The following CNTN5 variants were observed in gnomAD, a reference collection of about 807,000 sequenced individuals.
The protein encoded by CNTN5 is contactin 5, also known as contactin-5.
Under a neutral mutation model 129.1 loss-of-function variants are expected in CNTN5, and 77 were observed. The observed-to-expected ratio is 0.60, with a 90% CI of 0.50 to 0.72. The LOEUF (loss-of-function observed/expected upper bound fraction) is 0.72, where lower values mean the gene tolerates loss of function less well. Among genes scored for constraint, CNTN5 ranks in the 30% least tolerant of loss-of-function variants. CNTN5 has a pLI of 0.00. For synonymous variants in CNTN5, 509 were observed against 465.6 expected, an observed-to-expected ratio of 1.09 and a Z score of -1.20; for missense variants, 1,478 against 1,328.8, an observed-to-expected ratio of 1.11 and a Z score of -1.75.
chr11:99,396,145 T>G (rs1941510662), intron 2 of CNTN5, among the ~76,000 whole-genome samples: 1 of 151,062 alleles, frequency 6.6e-6, no homozygotes, highest in Admixed American at 6.7e-5. Flanking sequence ...TGGCCATTTT[T>G]TAATGATATT....
intron 3 of CNTN5, among the ~76,000 whole-genome samples, chr11:99,600,338 C>A (rs116351100): frequency 6.6e-6 from 1 of 152,080 alleles, no homozygotes; most frequent in Non-Finnish European, 1.5e-5. Flanking sequence ...GGTTCATGTT[C>A]CCTGCTGAAA....
At chr11:100,204,297 A>ATATATATATATATATAT (rs1555039166) in intron 15 of CNTN5, among the ~76,000 whole-genome samples, 4 of 17,658 alleles carry the variant, frequency 2.3e-4, no homozygotes, top group South Asian at 2.6e-3. Flanking sequence ...AACATTGACT[A>ATATATATATATATATAT]ATATATATAT....
intron 2 of CNTN5, among the ~76,000 whole-genome samples, chr11:99,534,369 TG>T (rs147921682): frequency 0.02 from 3,024 of 152,300 alleles, 145 homozygotes; most frequent in East Asian, 0.12. Context: ...ATGATTTTAA[TG>T]AGATTTTCAT....
chr11:99,840,669 A>C (rs1358584641), intron 4 of CNTN5, among the ~76,000 whole-genome samples: 1 of 152,154 alleles, frequency 6.6e-6, no homozygotes, highest in East Asian at 1.9e-4. Flanking sequence ...CTTTTATGAG[A>C]CGTTAACATT....
chr11:99,432,963 A>T (rs1448814330), intron 2 of CNTN5, among the ~76,000 whole-genome samples: 1 of 151,580 alleles, frequency 6.6e-6, no homozygotes, highest in Admixed American at 6.6e-5. Context: ...TAGATGGTAA[A>T]TACTGAAAGA....
At chr11:99,265,032 T>A (rs909661183) in intron 1 of CNTN5, among the ~76,000 whole-genome samples, 2 of 152,010 alleles carry the variant, frequency 1.3e-5, no homozygotes, top group African/African-American at 2.4e-5. Flanking sequence ...CTGTTAAATG[T>A]ATTTAAGAGT....
At chr11:100,296,094 C>A (rs1427027725) in intron 18 of CNTN5, among the ~76,000 whole-genome samples, 1 of 151,434 alleles carries the variant, frequency 6.6e-6, no homozygotes, top group Non-Finnish European at 1.5e-5. Context: ...AAATTTGGAT[C>A]CCTGTCCTTT....
chr11:99,465,696 T>G (rs1041350530), intron 2 of CNTN5, among the ~76,000 whole-genome samples: 15 of 151,754 alleles, frequency 9.9e-5, no homozygotes, highest in African/African-American at 3.4e-4. Flanking sequence ...ATACCTGAGA[T>G]GGGGTAATTT....
At chr11:100,264,786 T>C (rs1272349468) in intron 17 of CNTN5, among the ~76,000 whole-genome samples, 1 of 152,152 alleles carries the variant, frequency 6.6e-6, no homozygotes, top group Non-Finnish European at 1.5e-5. Context: ...TTTCTGGTTC[T>C]AGATCCTTGA....
intron 3 of CNTN5, among the ~76,000 whole-genome samples, chr11:99,612,355 GA>G (rs1379841633): frequency 6.6e-6 from 1 of 152,082 alleles, no homozygotes; most frequent in African/African-American, 2.4e-5. Flanking sequence ...ATCACCTGTG[GA>G]TCTAAGGATT....
intron 1 of CNTN5, among the ~76,000 whole-genome samples, chr11:99,139,653 T>G (rs1176123943): frequency 6.6e-6 from 1 of 152,222 alleles, no homozygotes; most frequent in Non-Finnish European, 1.5e-5. Context: ...GTTACTTTCA[T>G]TTTTAATTTG....
intron 13 of CNTN5, among the ~76,000 whole-genome samples, chr11:100,173,824 A>G (rs909931364): frequency 6.6e-6 from 1 of 152,106 alleles, no homozygotes; most frequent in Non-Finnish European, 1.5e-5. Flanking sequence ...AGGGACCACA[A>G]CAGAAGTTAC....
intron 2 of CNTN5, among the ~76,000 whole-genome samples, chr11:99,519,918 A>G (rs1350686040): frequency 6.6e-6 from 1 of 152,066 alleles, no homozygotes. Flanking sequence ...CCAGACTTTA[A>G]GTGGATAGTC....
At chr11:99,386,791 C>T (rs1276356325) in intron 2 of CNTN5, among the ~76,000 whole-genome samples, 3 of 152,112 alleles carry the variant, frequency 2.0e-5, no homozygotes, top group African/African-American at 7.2e-5. Context: ...GAACAAAAAT[C>T]TCAGCACTTA....
intron 2 of CNTN5, among the ~76,000 whole-genome samples, chr11:99,435,310 AAC>A (rs1943556832): frequency 6.6e-6 from 1 of 152,154 alleles, no homozygotes; most frequent in African/African-American, 2.4e-5. Context: ...ACTTTTTAAA[AAC>A]AGTTTATTTC....
chr11:99,556,396 A>G (rs1023979578), intron 3 of CNTN5, 127 bp downstream of exon 3: 7 of 528,410 alleles, frequency 1.3e-5, no homozygotes, highest in African/African-American at 2.0e-5. Flanking sequence ...ATACTTTCCA[A>G]CAAGAGAAAG....
At chr11:99,675,014 G>GTTTTT (rs572961006) in intron 3 of CNTN5, among the ~76,000 whole-genome samples, 12 of 16,064 alleles carry the variant, frequency 7.5e-4, no homozygotes, top group Non-Finnish European at 3.6e-3. Context: ...CATTTTTCTG[G>GTTTTT]TTTTGTTTTG....
At chr11:99,118,620 A>C (rs1858156176) in intron 1 of CNTN5, among the ~76,000 whole-genome samples, 1 of 152,122 alleles carries the variant, frequency 6.6e-6, no homozygotes, top group African/African-American at 2.4e-5. Flanking sequence ...GTATTAAAAC[A>C]ATTAACGAAA....
chr11:100,259,949 A>G (rs1049260124), intron 17 of CNTN5, among the ~76,000 whole-genome samples: 1 of 151,860 alleles, frequency 6.6e-6, no homozygotes, highest in East Asian at 1.9e-4. Context: ...TAAGACCACA[A>G]TAGAAATGAA....
Sources: gnomAD v4.1 joint callset for allele counts (sites outside exome capture counted in the v4.1 genomes callset) on GRCh38, gnomAD v4.1.1 for gene constraint, MANE v1.5 for transcripts, NCBI Gene and HGNC (gene_info 2026-07-23, HGNC 2026-07-21) for gene names.